HPSE2: variants seen among roughly 807,000 people sequenced by gnomAD.
HPSE2 encodes the protein inactive heparanase-2.
In HPSE2, 38 loss-of-function variants were observed where a neutral mutation model predicts 60.5. The observed-to-expected ratio is 0.63, with a 90% CI of 0.48 to 0.82. The LOEUF (loss-of-function observed/expected upper bound fraction) is 0.82, where lower values mean the gene tolerates loss of function less well. Among genes scored for constraint, HPSE2 ranks in the 40% least tolerant of loss-of-function variants. HPSE2 has a pLI of 0.00. For synonymous variants in HPSE2, 295 were observed against 293.2 expected (o/e 1.01, Z -0.06); for missense variants, 713 against 740.4 (o/e 0.96, Z 0.43).
chr10:99,154,827 G>C (rs979278617), intron 2 of HPSE2, among the ~76,000 whole-genome samples: 27 of 152,134 alleles, frequency 1.8e-4, no homozygotes, highest in African/African-American at 5.8e-4. Flanking sequence ...AAAGAGTCAA[G>C]ACCCATCAGT....
At chr10:98,744,907 A>G (rs1949590275) in intron 3 of HPSE2, among the ~76,000 whole-genome samples, 1 of 152,194 alleles carries the variant, frequency 6.6e-6, no homozygotes, top group South Asian at 2.1e-4. Flanking sequence ...GACCACTACT[A>G]CAAATACGTT....
intron 6 of HPSE2, among the ~76,000 whole-genome samples, chr10:98,669,483 T>A (rs910256121): frequency 6.6e-6 from 1 of 152,218 alleles, no homozygotes; most frequent in Non-Finnish European, 1.5e-5. Flanking sequence ...GAAATCAACC[T>A]ACATGCCCAT....
chr10:99,048,326 C>A, intron 3 of HPSE2: 1 of 391,750 alleles, frequency 2.6e-6, no homozygotes. Context: ...TTTTATTTTT[C>A]TAAGCTGGTC....
chr10:99,053,351 C>A (rs889467808), intron 3 of HPSE2, among the ~76,000 whole-genome samples: 2 of 148,242 alleles, frequency 1.3e-5, no homozygotes, highest in Non-Finnish European at 3.0e-5. Context: ...ATCTCTAGAG[C>A]AACCACTAAA....
intron 3 of HPSE2, among the ~76,000 whole-genome samples, chr10:98,878,640 G>C (rs888701264): frequency 9.9e-5 from 15 of 151,972 alleles, no homozygotes; most frequent in African/African-American, 3.4e-4. Flanking sequence ...TGACTAAACT[G>C]GAGAATGATG....
intron 3 of HPSE2, among the ~76,000 whole-genome samples, chr10:98,929,487 T>C (rs1194283027): frequency 1.4e-5 from 2 of 144,052 alleles, no homozygotes; most frequent in Admixed American, 1.4e-4. Context: ...ATACTAAAGC[T>C]ATCTTCATAT....
chr10:98,629,134 C>T (rs1158068337), intron 7 of HPSE2, among the ~76,000 whole-genome samples: 1 of 152,202 alleles, frequency 6.6e-6, no homozygotes, highest in African/African-American at 2.4e-5. Context: ...AAACCCAACA[C>T]CTTCCTTAAT....
At chr10:98,879,144 G>A (rs370379041) in intron 3 of HPSE2, among the ~76,000 whole-genome samples, 15 of 152,130 alleles carry the variant, frequency 9.9e-5, no homozygotes, top group South Asian at 6.2e-4. Context: ...GAATACACAC[G>A]TCTAGAGCTC....
chr10:99,060,177 G>A (rs1958204259), intron 3 of HPSE2, among the ~76,000 whole-genome samples: 1 of 151,906 alleles, frequency 6.6e-6, no homozygotes, highest in Admixed American at 6.6e-5. Flanking sequence ...AGGATAATAT[G>A]GGCATAAAAG....
intron 2 of HPSE2, among the ~76,000 whole-genome samples, chr10:99,227,818 T>A (rs1166664769): frequency 6.7e-6 from 1 of 148,786 alleles, no homozygotes; most frequent in Non-Finnish European, 1.5e-5. Context: ...TATATATGTA[T>A]ATATATAAAG....
rs553714548 is a variant in HPSE2, at chr10:98,967,520, T to G, written c.610+176718A>C. ...AAGCTCATGAGATATTTGTACGTTT[T>G]ATTTGGTTTCTCGATTGGAAAAAAC... On this transcript the variant is annotated intron_variant, in intron 3 of 11. Coordinates refer to ENST00000370552, the MANE Select transcript of HPSE2 (RefSeq NM_021828.5). Among the ~76,000 whole-genome samples the G allele has an allele frequency of 1.4e-3, 209 of 152,294 alleles. 1 individual carries two copies. Among genetic ancestry groups the G allele is most frequent in the Non-Finnish European group, 6.5e-4 (44 of 68,034 alleles).
At chr10:99,065,984 C>CGTAAGTACAAGGCAGAAAGTGA (rs1554880364) in intron 3 of HPSE2, among the ~76,000 whole-genome samples, 3 of 151,132 alleles carry the variant, frequency 2.0e-5, no homozygotes, top group Non-Finnish European at 1.5e-5. Flanking sequence ...CACAGAAATC[C>CGTAAGTACAAGGCAGAAAGTGA]ATAAGTACAA....
At chr10:99,208,513 C>A (rs568326789) in intron 2 of HPSE2, among the ~76,000 whole-genome samples, 1 of 151,928 alleles carries the variant, frequency 6.6e-6, no homozygotes, top group African/African-American at 2.4e-5. Context: ...GGCAAAACCC[C>A]ATCTCTGCAA....
At chr10:99,064,018 G>A (rs1842533179) in intron 3 of HPSE2, among the ~76,000 whole-genome samples, 2 of 152,154 alleles carry the variant, frequency 1.3e-5, no homozygotes, top group Non-Finnish European at 2.9e-5. Flanking sequence ...GCTTGAACCA[G>A]GGAGTCGGAG....
At chr10:98,621,588 G>T (rs1030516037) in intron 7 of HPSE2, among the ~76,000 whole-genome samples, 5 of 152,192 alleles carry the variant, frequency 3.3e-5, no homozygotes, top group African/African-American at 9.7e-5. Context: ...ACTAAGACAA[G>T]GATGCATTTT....
chr10:99,114,686 G>A (rs916880112), intron 3 of HPSE2, among the ~76,000 whole-genome samples: 1 of 152,030 alleles, frequency 6.6e-6, no homozygotes, highest in Non-Finnish European at 1.5e-5. Flanking sequence ...GGGCTGAGAC[G>A]GGTGGATCAC....
chr10:98,773,997 C>G (rs942357606), intron 3 of HPSE2, among the ~76,000 whole-genome samples: 3 of 152,024 alleles, frequency 2.0e-5, no homozygotes, highest in African/African-American at 7.2e-5. Flanking sequence ...GTCAAGGGTG[C>G]AGGGTGCAGT....
intron 6 of HPSE2, among the ~76,000 whole-genome samples, chr10:98,645,353 G>A (rs1946740180): frequency 1.3e-5 from 2 of 152,202 alleles, no homozygotes; most frequent in South Asian, 2.1e-4. Flanking sequence ...CCAAAGCCAT[G>A]GCTGCAGATG....
At chr10:98,462,595 C>T (rs1940342960) in intron 11 of HPSE2, among the ~76,000 whole-genome samples, 1 of 152,224 alleles carries the variant, frequency 6.6e-6, no homozygotes, top group Non-Finnish European at 1.5e-5. Flanking sequence ...ACCCTCTCTC[C>T]CCTTGGCTCC....
Sources: allele counts gnomAD v4.1 joint callset (sites outside exome capture counted in the v4.1 genomes callset), GRCh38; gene constraint gnomAD v4.1.1; transcripts MANE v1.5; gene names NCBI Gene and HGNC (gene_info 2026-07-23, HGNC 2026-07-21).